The following MCU variants were observed in gnomAD, a reference collection of about 807,000 sequenced individuals.
The protein encoded by MCU is mitochondrial calcium uniporter.
In MCU, 12 loss-of-function variants were observed where a neutral mutation model predicts 45.2. The ratio of observed to expected loss-of-function variants is 0.27; its 90% CI spans 0.17 to 0.43. MCU has a LOEUF of 0.43. Among genes scored for constraint, MCU ranks in the 20% least tolerant of loss-of-function variants. MCU has a pLI of 1.00. For synonymous variants in MCU, 160 were observed against 165.1 expected, an observed-to-expected ratio of 0.97 and a Z score of 0.24; for missense variants, 324 against 436.7, an observed-to-expected ratio of 0.74 and a Z score of 2.30.
intron 1 of MCU, among the ~76,000 whole-genome samples, chr10:72,731,636 T>G (rs1409613160): frequency 6.6e-6 from 1 of 152,200 alleles, no homozygotes; most frequent in Non-Finnish European, 1.5e-5. Flanking sequence ...CCTCTACACC[T>G]GTGGCCATCA....
intron 5 of MCU, among the ~76,000 whole-genome samples, chr10:72,870,757 A>G (rs1391420307): frequency 6.6e-6 from 1 of 152,206 alleles, no homozygotes; most frequent in Non-Finnish European, 1.5e-5. Flanking sequence ...CAGTGAAAGA[A>G]TATAGGTAGG....
At chr10:72,806,138 T>C (rs923659932) in intron 1 of MCU, among the ~76,000 whole-genome samples, 1 of 146,868 alleles carries the variant, frequency 6.8e-6, no homozygotes, top group Non-Finnish European at 1.5e-5. Context: ...AGGTAGGGAA[T>C]GGGCCATGAA....
chr10:72,849,687 G>A (rs967117069), intron 2 of MCU, among the ~76,000 whole-genome samples: 2 of 152,152 alleles, frequency 1.3e-5, no homozygotes, highest in Non-Finnish European at 2.9e-5. Flanking sequence ...GGTCTAGACA[G>A]AAAGAAAAGC....
chr10:72,856,234 G>A (rs533132791), intron 2 of MCU, among the ~76,000 whole-genome samples: 1 of 152,254 alleles, frequency 6.6e-6, no homozygotes, highest in African/African-American at 2.4e-5. Flanking sequence ...CAGATCAATG[G>A]TTACCCAGGG....
chr10:72,694,779 A>C (rs180836935), intron 1 of MCU, among the ~76,000 whole-genome samples: 1 of 152,234 alleles, frequency 6.6e-6, no homozygotes, highest in Admixed American at 6.5e-5. Context: ...CAGTTACAGC[A>C]CTGCCTAATT....
intron 1 of MCU, among the ~76,000 whole-genome samples, chr10:72,725,627 G>A (rs552028694): frequency 2.6e-4 from 40 of 152,176 alleles, no homozygotes; most frequent in African/African-American, 8.7e-4. Flanking sequence ...GGTGGCTCAC[G>A]CCTATAATCC....
intron 2 of MCU, among the ~76,000 whole-genome samples, chr10:72,850,625 A>G (rs1178996847): frequency 6.6e-6 from 1 of 152,154 alleles, no homozygotes; most frequent in African/African-American, 2.4e-5. Context: ...TTTTTAAAAT[A>G]TGTATTCCTT....
intron 1 of MCU, among the ~76,000 whole-genome samples, chr10:72,799,170 C>T (rs961888656): frequency 6.6e-5 from 10 of 152,078 alleles, no homozygotes; most frequent in Admixed American, 5.9e-4. Flanking sequence ...GTGATTCACC[C>T]GCCTCAGCCT....
chr10:72,856,519 A>G (rs1845292759), intron 2 of MCU, among the ~76,000 whole-genome samples: 1 of 152,184 alleles, frequency 6.6e-6, no homozygotes, highest in Non-Finnish European at 1.5e-5. Flanking sequence ...AGCTTGATGC[A>G]TTTTGGATTT....
chr10:72,711,199 C>T (rs1842889402), intron 1 of MCU, among the ~76,000 whole-genome samples: 1 of 150,684 alleles, frequency 6.6e-6, no homozygotes, highest in Non-Finnish European at 1.5e-5. Context: ...AAGTATTACA[C>T]TGTATGTATC....
At chr10:72,780,973 T>C (rs1370315491) in intron 1 of MCU, among the ~76,000 whole-genome samples, 1 of 152,182 alleles carries the variant, frequency 6.6e-6, no homozygotes, top group African/African-American at 2.4e-5. Context: ...GACTGACATA[T>C]AGAGAATTTG....
At chr10:72,704,229 A>G (rs1363393728) in intron 1 of MCU, among the ~76,000 whole-genome samples, 2 of 152,188 alleles carry the variant, frequency 1.3e-5, no homozygotes, top group African/African-American at 4.8e-5. Flanking sequence ...CTAGGACAGT[A>G]GCGTTGTAGA....
Position 72,804,098 on chromosome 10 carries a change from ATT to A in MCU, c.151-30250_151-30249del, listed in dbSNP as rs35746180. 8.6e-5 allele frequency among the ~76,000 whole-genome samples: 8 copies of A among 93,368 alleles called. 1 individual carries two copies. Among genetic ancestry groups the A allele is most frequent in the Non-Finnish European group, 1.7e-4 (8 of 46,148 alleles). 61.3% of individuals were successfully genotyped at this position (93,368 alleles called of 152,430 possible). A position where few individuals can be genotyped will look rare whatever the true frequency, so the allele number is the denominator to read the frequency against. On this transcript the variant is annotated intron_variant, in intron 1 of 7. Coordinates refer to ENST00000373053, the MANE Select transcript of MCU (RefSeq NM_138357.3). Reference sequence around the variant, plus strand: ...TAAAATAAGAGTGCCAACAATTTACATTTTTTTTTTTTGAGACAGAGTCTCTC... The same window carrying A: ...TAAAATAAGAGTGCCAACAATTTACATTTTTTTTTTGAGACAGAGTCTCTC...
At chr10:72,875,931 A>G (rs1247340575) in intron 6 of MCU, among the ~76,000 whole-genome samples, 1 of 152,244 alleles carries the variant, frequency 6.6e-6, no homozygotes, top group Non-Finnish European at 1.5e-5. Context: ...AGGAGTGAGC[A>G]TTGATTCTTG....
At chr10:72,794,988 T>G (rs1207975873) in intron 1 of MCU, among the ~76,000 whole-genome samples, 1 of 152,208 alleles carries the variant, frequency 6.6e-6, no homozygotes, top group African/African-American at 2.4e-5. Context: ...ATGTTTATTT[T>G]TCAAACCCAG....
At position 72,714,851 on chromosome 10, in the gene MCU, A is replaced by G. The variant is rs146570289; in HGVS notation, c.150+22550A>G. Among the ~76,000 whole-genome samples the G allele has an allele frequency of 2.5e-3, 374 of 152,262 alleles. 2 individuals carry two copies. The highest frequency in any genetic ancestry group is 6.8e-3 in the Middle Eastern group (2 of 294). On this transcript the variant is annotated intron_variant, in intron 1 of 7. Coordinates refer to ENST00000373053, the MANE Select transcript of MCU (RefSeq NM_138357.3). ...GTGAGCCACTGCGCCCTGCCCAAAT[A>G]TTTAATACTTTGTTTCTGGAAAAAG...
intron 1 of MCU, among the ~76,000 whole-genome samples, chr10:72,804,802 G>GTTGA (rs1844405395): frequency 6.6e-6 from 1 of 152,104 alleles, no homozygotes; most frequent in Non-Finnish European, 1.5e-5. Context: ...TTACTTATTG[G>GTTGA]TTGATTGATT....
intron 1 of MCU, among the ~76,000 whole-genome samples, chr10:72,734,993 C>T (rs187902628): frequency 6.6e-6 from 1 of 151,434 alleles, no homozygotes; most frequent in African/African-American, 2.4e-5. Context: ...GCTGGATTGC[C>T]TGAGCTCAGG....
intron 1 of MCU, among the ~76,000 whole-genome samples, chr10:72,755,042 T>G (rs1843555000): frequency 6.6e-6 from 1 of 152,070 alleles, no homozygotes; most frequent in African/African-American, 2.4e-5. Flanking sequence ...TTGATCAAGT[T>G]AGGAAGGGAA....
Sources: gnomAD v4.1 joint callset for allele counts (sites outside exome capture counted in the v4.1 genomes callset) on GRCh38, gnomAD v4.1.1 for gene constraint, MANE v1.5 for transcripts, NCBI Gene and HGNC (gene_info 2026-07-23, HGNC 2026-07-21) for gene names.